MEGF11: variants seen among roughly 807,000 people sequenced by gnomAD.
MEGF11 encodes multiple EGF like domains 11, also known as multiple epidermal growth factor-like domains protein 11.
A neutral mutation model predicts 146.6 loss-of-function variants in MEGF11; 126 were observed. That is an observed-to-expected ratio of 0.86 (90% CI 0.74 to 1.00). MEGF11 has a LOEUF of 1.00. Among genes scored for constraint, MEGF11 ranks in the 50% least tolerant of loss-of-function variants. The pLI, the probability that MEGF11 is intolerant of heterozygous loss-of-function variation, is 0.00. For missense variants in MEGF11, 1,509 were observed against 1,521.2 expected (o/e 0.99, Z 0.13); for synonymous variants, 532 against 583.4 (o/e 0.91, Z 1.27).
chr15:66,195,995 G>T (rs55663952), intron 1 of MEGF11, among the ~76,000 whole-genome samples: 5,581 of 152,274 alleles, frequency 0.037, 298 homozygotes, highest in African/African-American at 0.11. Context: ...AACCAGAGCG[G>T]GGTAAGTGGC....
chr15:66,228,492 C>A (rs1378066692), intron 1 of MEGF11, among the ~76,000 whole-genome samples: 2 of 152,146 alleles, frequency 1.3e-5, no homozygotes, highest in Admixed American at 1.3e-4. Context: ...CACACAGACA[C>A]AGAGGAGCCA....
At chr15:66,160,196 G>A (rs1016601230) in intron 1 of MEGF11, among the ~76,000 whole-genome samples, 1 of 150,146 alleles carries the variant, frequency 6.7e-6, no homozygotes, top group African/African-American at 2.5e-5. Context: ...AGGCTAGAAA[G>A]GGCTTTGTTT....
intron 2 of MEGF11, among the ~76,000 whole-genome samples, chr15:66,126,671 C>A (rs1420345193): frequency 6.6e-6 from 1 of 152,140 alleles, no homozygotes; most frequent in Non-Finnish European, 1.5e-5. Context: ...GGCTGTGAGG[C>A]AGCAGAGACA....
At chr15:66,093,756 G>T (rs556787830) in intron 5 of MEGF11, among the ~76,000 whole-genome samples, 4 of 152,256 alleles carry the variant, frequency 2.6e-5, no homozygotes, top group East Asian at 3.9e-4. Flanking sequence ...TTACCCTCTT[G>T]GTGGCCAGCC....
At chr15:66,207,438 A>G (rs953202904) in intron 1 of MEGF11, among the ~76,000 whole-genome samples, 1 of 152,250 alleles carries the variant, frequency 6.6e-6, no homozygotes, top group Non-Finnish European at 1.5e-5. Flanking sequence ...GTCAACCTAG[A>G]ATTCTATAAC....
At chr15:65,999,684 A>T (rs1363836078) in intron 5 of MEGF11, among the ~76,000 whole-genome samples, 1 of 152,222 alleles carries the variant, frequency 6.6e-6, no homozygotes, top group Admixed American at 6.5e-5. Flanking sequence ...TCAGGATATG[A>T]TACAAAAGTA....
intron 1 of MEGF11, among the ~76,000 whole-genome samples, chr15:66,197,356 T>C (rs1404111735): frequency 6.6e-6 from 1 of 152,244 alleles, no homozygotes; most frequent in Non-Finnish European, 1.5e-5. Flanking sequence ...CATCTCCAGG[T>C]TCATTCCATG....
At chr15:66,159,256 G>A (rs1425950806) in intron 1 of MEGF11, among the ~76,000 whole-genome samples, 1 of 152,218 alleles carries the variant, frequency 6.6e-6, no homozygotes, top group African/African-American at 2.4e-5. Flanking sequence ...ACAATGCCCA[G>A]AGGGCCTTGT....
At chr15:66,103,774 G>A (rs1020928798) in intron 4 of MEGF11, among the ~76,000 whole-genome samples, 7 of 152,292 alleles carry the variant, frequency 4.6e-5, no homozygotes, top group South Asian at 2.1e-4. Context: ...ACAGCACATC[G>A]TAGTCTTTAG....
At chr15:66,193,310 T>C (rs2090928552) in intron 1 of MEGF11, among the ~76,000 whole-genome samples, 2 of 152,206 alleles carry the variant, frequency 1.3e-5, no homozygotes, top group South Asian at 4.1e-4. Flanking sequence ...AGTGACTGCC[T>C]GGACCCTTTC....
chr15:66,158,532 T>A (rs562491777), intron 1 of MEGF11, among the ~76,000 whole-genome samples: 1 of 152,306 alleles, frequency 6.6e-6, no homozygotes, highest in Non-Finnish European at 1.5e-5. Flanking sequence ...TGTGCACCCC[T>A]CCGGGGCCCC....
intron 15 of MEGF11, 33 bp downstream of exon 15, chr15:65,922,305 C>T: frequency 6.2e-7 from 1 of 1,600,226 alleles, no homozygotes; most frequent in Non-Finnish European, 8.5e-7. Flanking sequence ...CCTCTCACCT[C>T]CCCACCCAGT....
chr15:66,190,043 T>C (rs1047357901), intron 1 of MEGF11, among the ~76,000 whole-genome samples: 3 of 152,162 alleles, frequency 2.0e-5, no homozygotes, highest in African/African-American at 7.2e-5. Context: ...ATGGGCTGCA[T>C]ACTGGAATCA....
At chr15:66,245,971 C>T (rs896850999) in intron 1 of MEGF11, among the ~76,000 whole-genome samples, 1 of 149,920 alleles carries the variant, frequency 6.7e-6, no homozygotes, top group Non-Finnish European at 1.5e-5. Context: ...ATCCTAAAAA[C>T]AAAAGGCAGC....
At chr15:66,071,957 TCA>T (rs2085386695) in intron 5 of MEGF11, among the ~76,000 whole-genome samples, 1 of 152,190 alleles carries the variant, frequency 6.6e-6, no homozygotes, top group African/African-American at 2.4e-5. Context: ...CAGGCACTGC[TCA>T]CAGAGCCCAC....
chr15:65,955,789 TATATACACAC>T (rs1255310020), intron 10 of MEGF11, among the ~76,000 whole-genome samples: 1 of 6,368 alleles, frequency 1.6e-4, no homozygotes, highest in African/African-American at 2.3e-4. Flanking sequence ...TATATATATA[TATATACACAC>T]ACACACACAC....
chr15:66,132,484 C>T (rs2088687900), intron 1 of MEGF11, among the ~76,000 whole-genome samples: 1 of 152,236 alleles, frequency 6.6e-6, no homozygotes, highest in African/African-American at 2.4e-5. Context: ...CTCTGTCAAT[C>T]CCAGTCCATC....
At chr15:66,224,333 G>A (rs1253163526) in intron 1 of MEGF11, among the ~76,000 whole-genome samples, 3 of 152,088 alleles carry the variant, frequency 2.0e-5, no homozygotes, top group Non-Finnish European at 4.4e-5. Flanking sequence ...CCAGCACTTT[G>A]GGAGGCCAAG....
intron 15 of MEGF11, 102 bp from the exon 16 acceptor site, chr15:65,918,196 A>G (rs2141233443): frequency 6.6e-7 from 1 of 1,516,914 alleles, no homozygotes; most frequent in Non-Finnish European, 9.0e-7. Flanking sequence ...AGCCATGATC[A>G]CCCAGGGGTC....
Sources: allele counts gnomAD v4.1 joint callset (sites outside exome capture counted in the v4.1 genomes callset), GRCh38; gene constraint gnomAD v4.1.1; transcripts MANE v1.5; gene names NCBI Gene and HGNC (gene_info 2026-07-23, HGNC 2026-07-21).